The following SH3RF3 variants were observed in gnomAD, a reference collection of about 807,000 sequenced individuals.
SH3RF3 encodes the protein E3 ubiquitin-protein ligase SH3RF3.
In SH3RF3, 29 loss-of-function variants were observed where a neutral mutation model predicts 66.3. That is an observed-to-expected ratio of 0.44 (90% confidence interval 0.33 to 0.60). SH3RF3 has a LOEUF of 0.60. SH3RF3 is among the 20% of genes least tolerant of loss of function. The pLI is 0.04. For synonymous variants in SH3RF3, 583 were observed against 532.0 expected, an observed-to-expected ratio of 1.10 and a Z score of -1.32; for missense variants, 1,194 against 1,190.9, an observed-to-expected ratio of 1.00 and a Z score of -0.04.
At chr2:109,444,513 T>A (rs1677656350) in intron 7 of SH3RF3, among the ~76,000 whole-genome samples, 1 of 152,086 alleles carries the variant, frequency 6.6e-6, no homozygotes, top group African/African-American at 2.4e-5. Flanking sequence ...AATTCCATCA[T>A]TTTCCAGGGG....
At chr2:109,409,998 A>T (rs1339131280) in intron 4 of SH3RF3, among the ~76,000 whole-genome samples, 1 of 152,000 alleles carries the variant, frequency 6.6e-6, no homozygotes, top group African/African-American at 2.4e-5. Context: ...AAAGAAAGAG[A>T]CTCGGAGCCC....
intron 1 of SH3RF3, among the ~76,000 whole-genome samples, chr2:109,140,551 T>G (rs1407811972): frequency 6.6e-6 from 1 of 151,908 alleles, no homozygotes; most frequent in East Asian, 1.9e-4. Context: ...TGGCTAATTT[T>G]TTTGTATTTT....
chr2:109,278,495 C>T (rs1486867912), intron 1 of SH3RF3, among the ~76,000 whole-genome samples: 1 of 152,200 alleles, frequency 6.6e-6, no homozygotes, highest in African/African-American at 2.4e-5. Context: ...GATGATGAGG[C>T]ACAAGGATTC....
intron 1 of SH3RF3, among the ~76,000 whole-genome samples, chr2:109,327,453 G>A (rs1271050746): frequency 6.6e-6 from 1 of 152,062 alleles, no homozygotes; most frequent in Non-Finnish European, 1.5e-5. Flanking sequence ...AGCAGGGCAA[G>A]GACTTTCACT....
At chr2:109,403,400 T>C (rs1471058826) in intron 4 of SH3RF3, among the ~76,000 whole-genome samples, 1 of 152,212 alleles carries the variant, frequency 6.6e-6, no homozygotes, top group East Asian at 1.9e-4. Context: ...AATTGTTCAT[T>C]GTTTCCACTT....
chr2:109,229,873 G>T (rs1407504475), intron 1 of SH3RF3, among the ~76,000 whole-genome samples: 6 of 147,252 alleles, frequency 4.1e-5, no homozygotes. Flanking sequence ...TGCCCAGGCT[G>T]GAGTGCAGTG....
chr2:109,452,605 C>T (rs1362524686), intron 8 of SH3RF3, among the ~76,000 whole-genome samples: 3 of 152,132 alleles, frequency 2.0e-5, no homozygotes, highest in East Asian at 1.9e-4. Flanking sequence ...CTCCTAGGAG[C>T]GTGGGAGATT....
intron 4 of SH3RF3, among the ~76,000 whole-genome samples, chr2:109,403,362 T>C (rs57006180): frequency 0.15 from 23,342 of 152,214 alleles, 2,306 homozygotes; most frequent in East Asian, 0.3. Flanking sequence ...TCCCCGACTG[T>C]GTGGCCCACC....
intron 1 of SH3RF3, among the ~76,000 whole-genome samples, chr2:109,318,151 A>G (rs1419901461): frequency 2.0e-5 from 3 of 151,718 alleles, no homozygotes; most frequent in African/African-American, 7.3e-5. Flanking sequence ...GGACATTGAG[A>G]GACTAGAAAT....
At chr2:109,240,851 C>G (rs1174910793) in intron 1 of SH3RF3, among the ~76,000 whole-genome samples, 2 of 150,834 alleles carry the variant, frequency 1.3e-5, no homozygotes, top group East Asian at 3.9e-4. Context: ...CCCCCACCCC[C>G]ACCCCTGCCC....
chr2:109,154,371 G>A (rs1677289567), intron 1 of SH3RF3, among the ~76,000 whole-genome samples: 1 of 152,170 alleles, frequency 6.6e-6, no homozygotes, highest in African/African-American at 2.4e-5. Context: ...TTCTGGGTAG[G>A]GAGTACAGAT....
chr2:109,287,603 C>T (rs901087175), intron 1 of SH3RF3, among the ~76,000 whole-genome samples: 5 of 152,294 alleles, frequency 3.3e-5, no homozygotes, highest in Non-Finnish European at 4.4e-5. Flanking sequence ...TATACCCAGG[C>T]GCAGGTGGTT....
intron 1 of SH3RF3, among the ~76,000 whole-genome samples, chr2:109,266,568 C>T (rs957679301): frequency 2.0e-5 from 3 of 152,110 alleles, no homozygotes; most frequent in South Asian, 2.1e-4. Flanking sequence ...ACACCAGGGA[C>T]GTTTTGTGCC....
intron 1 of SH3RF3, among the ~76,000 whole-genome samples, chr2:109,245,138 G>A (rs12994116): frequency 3.4e-4 from 52 of 152,116 alleles, no homozygotes; most frequent in East Asian, 5.8e-4. Flanking sequence ...ACCATCTCAC[G>A]GGAAGCTCCC....
At chr2:109,384,790 G>C (rs1401418682) in intron 3 of SH3RF3, among the ~76,000 whole-genome samples, 1 of 152,172 alleles carries the variant, frequency 6.6e-6, no homozygotes, top group Non-Finnish European at 1.5e-5. Flanking sequence ...GAACCCACAG[G>C]GTCTTGGGCC....
chr2:109,501,008 G>A (rs1210062553), intron 9 of SH3RF3, among the ~76,000 whole-genome samples: 1 of 152,172 alleles, frequency 6.6e-6, no homozygotes, highest in Non-Finnish European at 1.5e-5. Context: ...ACATCACATT[G>A]GGCCCCAACC....
intron 4 of SH3RF3, among the ~76,000 whole-genome samples, chr2:109,409,855 G>A (rs964977023): frequency 1.3e-5 from 2 of 152,128 alleles, no homozygotes; most frequent in African/African-American, 4.8e-5. Context: ...GTGTAATGGA[G>A]TGGTAGCGAG....
chr2:109,282,998 G>T (rs971857315), intron 1 of SH3RF3, among the ~76,000 whole-genome samples: 1 of 152,214 alleles, frequency 6.6e-6, no homozygotes, highest in Non-Finnish European at 1.5e-5. Context: ...GGAGGAAGGG[G>T]TGACTGCTTG....
At chr2:109,342,197 C>T (rs896254338) in intron 1 of SH3RF3, among the ~76,000 whole-genome samples, 1 of 152,204 alleles carries the variant, frequency 6.6e-6, no homozygotes, top group African/African-American at 2.4e-5. Flanking sequence ...TCAGCCATAC[C>T]TGGGATTTTC....
Sources: allele counts gnomAD v4.1 joint callset (sites outside exome capture counted in the v4.1 genomes callset), GRCh38; gene constraint gnomAD v4.1.1; transcripts MANE v1.5; gene names NCBI Gene and HGNC (gene_info 2026-07-23, HGNC 2026-07-21).